The following SRBD1 variants were observed in gnomAD, a reference collection of about 807,000 sequenced individuals.
SRBD1 encodes the protein S1 RNA-binding domain-containing protein 1.
Under a neutral mutation model 115.3 loss-of-function variants are expected in SRBD1, and 88 were observed. The ratio of observed to expected loss-of-function variants is 0.76; its 90% confidence interval spans 0.64 to 0.91. SRBD1 has a LOEUF of 0.91. Ranked by LOEUF, SRBD1 falls within the 40% of genes least tolerant of loss-of-function variation. The probability of loss-of-function intolerance (pLI) is 0.00; values close to 1 mark genes in which losing one functional copy is unlikely to be tolerated. For synonymous variants in SRBD1, 509 were observed against 407.7 expected (o/e 1.25, Z -2.99); for missense variants, 1,385 against 1,177.4 (o/e 1.18, Z -2.58).
chr2:45,460,171 T>C (rs1252675422), intron 16 of SRBD1, among the ~76,000 whole-genome samples: 4 of 152,200 alleles, frequency 2.6e-5, no homozygotes, highest in East Asian at 1.9e-4. Flanking sequence ...CCTGATCATC[T>C]AGCTGACTGG....
In SRBD1 at chr2:45,568,374, G is replaced by C. The variant is rs151142646; in HGVS notation, c.1305+4833C>G. Among the ~76,000 whole-genome samples the C allele has an allele frequency of 1.2e-3, 189 of 152,230 alleles. 1 individual carries two copies. Among genetic ancestry groups the C allele is most frequent in the African/African-American group, 4.4e-3 (181 of 41,546 alleles). On this transcript the variant is annotated intron_variant, in intron 9 of 20. Coordinates refer to ENST00000263736, the MANE Select transcript of SRBD1 (RefSeq NM_018079.5). ...TTCTGTGTTCTGTGATACTGTGCTG[G>C]GGTTATCTACATAAAGGCTGAAAAG...
At chr2:45,502,109 G>A (rs532337274) in intron 14 of SRBD1, among the ~76,000 whole-genome samples, 5 of 152,318 alleles carry the variant, frequency 3.3e-5, no homozygotes, top group East Asian at 1.9e-4. Context: ...GGAACAATCA[G>A]GCAGCAACAT....
intron 4 of SRBD1, among the ~76,000 whole-genome samples, chr2:45,594,452 C>A (rs1673829841): frequency 6.6e-6 from 1 of 152,154 alleles, no homozygotes; most frequent in Non-Finnish European, 1.5e-5. Context: ...TTGTCTGTAG[C>A]TGGTCACTTC....
chr2:45,584,753 T>C (rs752620713), intron 5 of SRBD1, among the ~76,000 whole-genome samples: 4 of 152,178 alleles, frequency 2.6e-5, no homozygotes, highest in Admixed American at 6.5e-5. Flanking sequence ...TCTCAGTTAT[T>C]AGCAGTGAGT....
At chr2:45,450,140 A>G (rs1668949609) in intron 16 of SRBD1, among the ~76,000 whole-genome samples, 2 of 152,326 alleles carry the variant, frequency 1.3e-5, no homozygotes, top group Admixed American at 6.5e-5. Context: ...TCATCTCGTG[A>G]GAGTGTTATA....
chr2:45,564,375 C>T (rs918571086), intron 9 of SRBD1, among the ~76,000 whole-genome samples: 2 of 152,118 alleles, frequency 1.3e-5, no homozygotes, highest in African/African-American at 4.8e-5. Flanking sequence ...ACAAGACAAG[C>T]GTGTCCACTC....
chr2:45,447,490 G>A (rs1668862247), intron 16 of SRBD1: 1 of 151,972 alleles, frequency 6.6e-6, no homozygotes, highest in African/African-American at 2.4e-5. Flanking sequence ...TTCCTAAATG[G>A]GTCAGATACA....
At chr2:45,586,167 T>G (rs540635103) in intron 4 of SRBD1, among the ~76,000 whole-genome samples, 1 of 152,212 alleles carries the variant, frequency 6.6e-6, no homozygotes. Flanking sequence ...GCAATATCTA[T>G]GAAAATTTAC....
At chr2:45,491,787 C>A (rs1382540252) in intron 14 of SRBD1, among the ~76,000 whole-genome samples, 2 of 152,092 alleles carry the variant, frequency 1.3e-5, no homozygotes, top group East Asian at 3.8e-4. Context: ...AATTTTTTAA[C>A]AAAAACCCTA....
At chr2:45,603,984 C>G (rs906805691) in intron 2 of SRBD1, among the ~76,000 whole-genome samples, 1 of 152,172 alleles carries the variant, frequency 6.6e-6, no homozygotes, top group Non-Finnish European at 1.5e-5. Flanking sequence ...ACCTGTTCCT[C>G]TTCCAGTCTT....
intron 4 of SRBD1, among the ~76,000 whole-genome samples, chr2:45,587,969 A>C (rs1673599522): frequency 6.6e-6 from 1 of 152,026 alleles, no homozygotes; most frequent in Non-Finnish European, 1.5e-5. Context: ...AACTCTTCCA[A>C]CTCCTTCAAC....
intron 10 of SRBD1, among the ~76,000 whole-genome samples, chr2:45,557,887 G>T (rs570957195): frequency 1.1e-4 from 16 of 152,200 alleles, no homozygotes; most frequent in Admixed American, 8.5e-4. Context: ...AATATACATT[G>T]CAAAACACAT....
At position 45,419,683 on chromosome 2, in the gene SRBD1, C is replaced by G. The variant is rs912212901; in HGVS notation, c.2156+105G>C. Reference sequence around the variant, plus strand: ...CAATGTATAAACCCATAGACGTTCTCTACTTGACAACTTTATACACGTGTT... The same window carrying G: ...CAATGTATAAACCCATAGACGTTCTGTACTTGACAACTTTATACACGTGTT... On this transcript the variant is annotated intron_variant, in intron 17 of 20. Coordinates refer to ENST00000263736, the MANE Select transcript of SRBD1 (RefSeq NM_018079.5). 1.3e-5 allele frequency: 12 copies of G among 908,922 alleles called. No individual in the cohort carries two copies. The African/African-American group carries it at 1.6e-4, about 12-fold the overall frequency. 56.3% of individuals were successfully genotyped at this position (908,922 alleles called of 1,614,324 possible).
chr2:45,473,495 A>T (rs953231821), intron 16 of SRBD1, among the ~76,000 whole-genome samples: 4 of 152,236 alleles, frequency 2.6e-5, no homozygotes, highest in South Asian at 4.1e-4. Flanking sequence ...ACTTCCATCA[A>T]TTCTTTCAAA....
chr2:45,501,873 G>A (rs1670642050), intron 14 of SRBD1, among the ~76,000 whole-genome samples: 1 of 152,196 alleles, frequency 6.6e-6, no homozygotes, highest in African/African-American at 2.4e-5. Context: ...GCAGGGCACA[G>A]CCAAACAAAA....
At chr2:45,490,005 C>A (rs1163559233) in intron 14 of SRBD1, among the ~76,000 whole-genome samples, 1 of 152,108 alleles carries the variant, frequency 6.6e-6, no homozygotes, top group Non-Finnish European at 1.5e-5. Flanking sequence ...TTATCTAAAG[C>A]AGAACTTGAG....
rs115927552 is a variant in SRBD1, at chr2:45,389,717, G to A, written c.2699-118C>T. ...CCAGACCAATATTAAAGATTAAGGG[G>A]GGATTATAAAAGGAGCTGCAGACCA... is the stretch of plus-strand genomic sequence containing the variant. On this transcript the variant is annotated intron_variant, in intron 20 of 20. Coordinates refer to ENST00000263736, the MANE Select transcript of SRBD1 (RefSeq NM_018079.5). 1,012 of 1,041,570 alleles carry A rather than the reference G, an allele frequency of 9.7e-4. 9 individuals are homozygous for A. In the African/African-American group the frequency reaches 0.014, roughly 15 times the overall value. The allele number at this position is 1,041,570 out of a possible 1,614,324, so 64.5% of individuals were successfully genotyped here.
At position 45,419,982 on chromosome 2, in the gene SRBD1, C is replaced by G. The variant is rs190595002; in HGVS notation, c.2050-88G>C. The G allele has an allele frequency of 2.6e-6, 3 of 1,142,462 alleles. No homozygotes were observed. In the East Asian group the frequency reaches 7.2e-5, roughly 28 times the overall value. 70.8% of individuals were successfully genotyped at this position (1,142,462 alleles called of 1,614,324 possible). ...CTCTGCCTATATTACTGGTGGTTAGCTAACACACACCATGGTAAATTTCTT... is the reference window on the plus strand; with the variant it reads ...CTCTGCCTATATTACTGGTGGTTAGGTAACACACACCATGGTAAATTTCTT... On this transcript the variant is annotated intron_variant, in intron 16 of 20. Coordinates refer to ENST00000263736, the MANE Select transcript of SRBD1 (RefSeq NM_018079.5).
At chr2:45,521,872 C>G (rs6707411) in intron 14 of SRBD1, among the ~76,000 whole-genome samples, 25,030 of 151,598 alleles carry the variant, frequency 0.17, 2,786 homozygotes, top group African/African-American at 0.31. Context: ...GGAGGCTCAG[C>G]TGGGAGGATC....
Sources: allele counts gnomAD v4.1 joint callset (sites outside exome capture counted in the v4.1 genomes callset), GRCh38; gene constraint gnomAD v4.1.1; transcripts MANE v1.5; gene names NCBI Gene and HGNC (gene_info 2026-07-23, HGNC 2026-07-21).